The following DCAF8L2 variants were observed in gnomAD, a reference collection of about 807,000 sequenced individuals.
DCAF8L2 encodes the protein DDB1 and CUL4 associated factor 8 like 2.
For missense variants in DCAF8L2, 430 were observed against 490.7 expected, an observed-to-expected ratio of 0.88 and a Z score of 1.17; for synonymous variants, 200 against 190.9, an observed-to-expected ratio of 1.05 and a Z score of -0.39.
chrX:27,647,302 G>A (rs1319855081), intron 2 of DCAF8L2, among the ~76,000 whole-genome samples: 3 of 111,900 alleles, frequency 2.7e-5, no homozygotes, highest in African/African-American at 9.8e-5. Flanking sequence ...GCAAACTAAC[G>A]CAGGAACAGA....
chrX:27,706,937 G>A (rs1351837399), intron 3 of DCAF8L2, among the ~76,000 whole-genome samples: 1 of 112,399 alleles, frequency 8.9e-6, no homozygotes. Flanking sequence ...AAAATGGAAT[G>A]CTTTTCAGCA....
At chrX:27,579,658 A>ACACACACT in the DCAF8L2 span, among the ~76,000 whole-genome samples, 6 of 107,775 alleles carry the variant, frequency 5.6e-5, no homozygotes, top group African/African-American at 2.0e-4. Flanking sequence ...ACACACACAC[A>ACACACACT]CACAAATATA....
chrX:27,649,388 A>G (rs920016926), intron 2 of DCAF8L2, among the ~76,000 whole-genome samples: 2 of 112,280 alleles, frequency 1.8e-5, no homozygotes, highest in Admixed American at 9.5e-5. Flanking sequence ...TCTCCAAACT[A>G]CTTTCCACAG....
At chrX:27,559,478 G>T in the DCAF8L2 span, among the ~76,000 whole-genome samples, 1 of 111,967 alleles carries the variant, frequency 8.9e-6, no homozygotes, top group African/African-American at 3.2e-5. Flanking sequence ...TGTGGCCCGT[G>T]AGAGGTATGA....
the DCAF8L2 span, among the ~76,000 whole-genome samples, chrX:27,560,762 T>C: frequency 8.9e-6 from 1 of 112,336 alleles, no homozygotes; most frequent in South Asian, 3.7e-4. Flanking sequence ...GAAGTTGTTT[T>C]TCTAAACGAA....
At chrX:27,486,075 G>A in the DCAF8L2 span, among the ~76,000 whole-genome samples, 21 of 105,741 alleles carry the variant, frequency 2.0e-4, no homozygotes, top group Admixed American at 1.7e-3. Context: ...GCACCATCTC[G>A]GCTCACTGCA....
chrX:27,495,404 A>G, the DCAF8L2 span, among the ~76,000 whole-genome samples: 1 of 111,537 alleles, frequency 9.0e-6, no homozygotes, highest in African/African-American at 3.3e-5. Context: ...TTGCATTTAC[A>G]TATGAATTTT....
chrX:27,542,839 T>C, the DCAF8L2 span, among the ~76,000 whole-genome samples: 34 of 111,504 alleles, frequency 3.0e-4, no homozygotes, highest in African/African-American at 1.1e-3. Context: ...TTATTTGTTT[T>C]TCACTTGGTT....
the DCAF8L2 span, among the ~76,000 whole-genome samples, chrX:27,491,245 C>CTT: frequency 1.8e-5 from 2 of 112,176 alleles, no homozygotes; most frequent in Non-Finnish European, 1.9e-5. Context: ...TGTACAGATA[C>CTT]TTTCCTCCAT....
chrX:27,657,872 C>T (rs924767962), intron 2 of DCAF8L2, among the ~76,000 whole-genome samples: 2 of 111,753 alleles, frequency 1.8e-5, no homozygotes, highest in Non-Finnish European at 3.8e-5. Flanking sequence ...AATATATATA[C>T]CCCCGGATGT....
the DCAF8L2 span, among the ~76,000 whole-genome samples, chrX:27,576,903 T>C: frequency 8.9e-6 from 1 of 111,989 alleles, no homozygotes; most frequent in Non-Finnish European, 1.9e-5. Context: ...GAATATTATG[T>C]CAGAGCTCTG....
chrX:27,672,894 G>C (rs1440637876), intron 2 of DCAF8L2, among the ~76,000 whole-genome samples: 1 of 111,567 alleles, frequency 9.0e-6, no homozygotes, highest in Admixed American at 9.6e-5. Flanking sequence ...ATTTGAATTA[G>C]TTACGAAGCC....
the DCAF8L2 span, among the ~76,000 whole-genome samples, chrX:27,538,545 C>T: frequency 5.4e-5 from 6 of 110,527 alleles, no homozygotes. Context: ...AGGCATGCAC[C>T]ACCACGCCCG....
chrX:27,590,134 T>C (rs913143719), upstream of DCAF8L2, among the ~76,000 whole-genome samples: 3 of 111,531 alleles, frequency 2.7e-5, no homozygotes, highest in Non-Finnish European at 5.6e-5. Context: ...GTTTTTTTTC[T>C]ACAAGTACTA....
the DCAF8L2 span, among the ~76,000 whole-genome samples, chrX:27,473,786 A>G: frequency 9.0e-6 from 1 of 111,397 alleles, no homozygotes; most frequent in African/African-American, 3.3e-5. Flanking sequence ...TAATTATCCA[A>G]TATCAATGTC....
chrX:27,645,775 G>A (rs1313000705), intron 2 of DCAF8L2, among the ~76,000 whole-genome samples: 1 of 110,718 alleles, frequency 9.0e-6, no homozygotes, highest in African/African-American at 3.3e-5. Context: ...ACCAACAACA[G>A]ACAAGCAGAG....
chrX:27,615,185 T>C, intron 1 of DCAF8L2, among the ~76,000 whole-genome samples: 1 of 111,661 alleles, frequency 9.0e-6, no homozygotes. Flanking sequence ...TAATGAATGC[T>C]GGACATGAGA....
intron 3 of DCAF8L2, among the ~76,000 whole-genome samples, chrX:27,697,324 A>T (rs773990240): frequency 7.2e-5 from 8 of 111,656 alleles, no homozygotes; most frequent in African/African-American, 2.6e-4. Context: ...TCTCACTCAA[A>T]CCAGATGCCT....
At chrX:27,648,446 A>T (rs1929023722) in intron 2 of DCAF8L2, among the ~76,000 whole-genome samples, 2 of 108,206 alleles carry the variant, frequency 1.8e-5, no homozygotes, top group South Asian at 7.8e-4. Context: ...TAGAGGCATG[A>T]TTTTTATTTT....
Sources: allele counts gnomAD v4.1 joint callset (sites outside exome capture counted in the v4.1 genomes callset), GRCh38; gene constraint gnomAD v4.1.1; transcripts MANE v1.5; gene names NCBI Gene and HGNC (gene_info 2026-07-23, HGNC 2026-07-21).